The following IL34 variants were observed in gnomAD, a reference collection of about 807,000 sequenced individuals.
The protein encoded by IL34 is interleukin 34.
Under a neutral mutation model 25.3 loss-of-function variants are expected in IL34, and 17 were observed. That is an observed-to-expected ratio of 0.67 (90% CI 0.46 to 1.01). IL34 has a LOEUF of 1.01. Among genes scored for constraint, IL34 ranks in the 50% least tolerant of loss-of-function variants. The pLI is 0.00. For synonymous variants in IL34, 174 were observed against 140.9 expected, an observed-to-expected ratio of 1.23 and a Z score of -1.66; for missense variants, 368 against 312.9, an observed-to-expected ratio of 1.18 and a Z score of -1.33.
At chr16:70,608,275 T>C (rs187937863) in intron 1 of IL34, among the ~76,000 whole-genome samples, 1 of 151,832 alleles carries the variant, frequency 6.6e-6, no homozygotes. Flanking sequence ...ATTACAGGCA[T>C]GCACCACCAT....
At chr16:70,600,749 T>G (rs1461092079) in intron 1 of IL34, among the ~76,000 whole-genome samples, 1 of 152,144 alleles carries the variant, frequency 6.6e-6, no homozygotes, top group East Asian at 1.9e-4. Context: ...TGTTTCTGGC[T>G]TGGACGTGGA....
At chr16:70,595,774 G>A (rs376523930) in intron 1 of IL34, among the ~76,000 whole-genome samples, 25 of 152,250 alleles carry the variant, frequency 1.6e-4, no homozygotes, top group Middle Eastern at 6.8e-3. Flanking sequence ...CACTTTGGGA[G>A]GCCGAGACAG....
intron 1 of IL34, among the ~76,000 whole-genome samples, chr16:70,615,128 G>A (rs993353322): frequency 3.3e-5 from 5 of 152,154 alleles, no homozygotes; most frequent in Admixed American, 2.0e-4. Flanking sequence ...TGGACTTACG[G>A]TGTATGCATT....
chr16:70,604,308 CTG>C (rs778372775), intron 1 of IL34, among the ~76,000 whole-genome samples: 1 of 152,210 alleles, frequency 6.6e-6, no homozygotes, highest in Non-Finnish European at 1.5e-5. Context: ...GTGCCCAAGA[CTG>C]TACTCACAAG....
chr16:70,650,087 C>T (rs2052041298), intron 1 of IL34, among the ~76,000 whole-genome samples: 1 of 152,188 alleles, frequency 6.6e-6, no homozygotes, highest in African/African-American at 2.4e-5. Context: ...GTGTGAGCCT[C>T]CGTGCCCAGC....
chr16:70,605,944 TTACAGGCGTGAGCC>T (rs1172107304), intron 1 of IL34, among the ~76,000 whole-genome samples: 1 of 149,938 alleles, frequency 6.7e-6, no homozygotes, highest in Non-Finnish European at 1.5e-5. Context: ...AGTGCTGGGA[TTACAGGCGTGAGCC>T]ACCGCACCTG....
chr16:70,598,878 C>G (rs115062995), intron 1 of IL34, among the ~76,000 whole-genome samples: 292 of 152,340 alleles, frequency 1.9e-3, no homozygotes, highest in African/African-American at 6.1e-3. Context: ...CAGCTCATAG[C>G]TCAAGCATAG....
At chr16:70,611,243 G>C (rs1435322975) in intron 1 of IL34, among the ~76,000 whole-genome samples, 2 of 152,166 alleles carry the variant, frequency 1.3e-5, no homozygotes, top group Non-Finnish European at 2.9e-5. Flanking sequence ...ACATGTGAGA[G>C]GCTCTTGGAA....
chr16:70,594,541 T>G (rs180847253), intron 1 of IL34, among the ~76,000 whole-genome samples: 163 of 152,350 alleles, frequency 1.1e-3, no homozygotes, highest in Non-Finnish European at 2.0e-3. Flanking sequence ...CTGGTTCTTA[T>G]GGGTCCTTCC....
intron 1 of IL34, among the ~76,000 whole-genome samples, chr16:70,611,248 T>A (rs1597745865): frequency 6.6e-6 from 1 of 152,254 alleles, no homozygotes; most frequent in East Asian, 1.9e-4. Flanking sequence ...TGAGAGGCTC[T>A]TGGAACTGGA....
chr16:70,611,057 C>A (rs574746916), intron 1 of IL34, among the ~76,000 whole-genome samples: 2 of 152,320 alleles, frequency 1.3e-5, no homozygotes, highest in East Asian at 3.9e-4. Context: ...CAGCTCACTG[C>A]AACCTCCATG....
chr16:70,633,937 G>C (rs1030326104), intron 1 of IL34, among the ~76,000 whole-genome samples: 18 of 151,732 alleles, frequency 1.2e-4, no homozygotes, highest in African/African-American at 4.4e-4. Context: ...TGCAACCTCC[G>C]CCTCCTGGGT....
intron 4 of IL34, among the ~76,000 whole-genome samples, chr16:70,658,165 C>G (rs1173424228): frequency 1.3e-5 from 2 of 152,168 alleles, no homozygotes; most frequent in Non-Finnish European, 2.9e-5. Flanking sequence ...GGGAGAACAT[C>G]CCAGGCCAAC....
intron 1 of IL34, 46 bp downstream of exon 1, chr16:70,647,021 C>G: frequency 7.0e-7 from 1 of 1,422,792 alleles, no homozygotes; most frequent in Non-Finnish European, 9.2e-7. Context: ...GAGGCCTTGG[C>G]CTAGATCCAG....
chr16:70,581,937 A>ACAAAAC (rs143579174), intron 1 of IL34, among the ~76,000 whole-genome samples: 54,318 of 151,806 alleles, frequency 0.36, 10,376 homozygotes, highest in South Asian at 0.63. Flanking sequence ...AAAAACAAAA[A>ACAAAAC]CAAAAACAAA....
intron 1 of IL34, among the ~76,000 whole-genome samples, chr16:70,613,688 G>C (rs765919976): frequency 6.6e-6 from 1 of 151,962 alleles, no homozygotes; most frequent in Admixed American, 6.6e-5. Flanking sequence ...AGCCTGGCCA[G>C]CACAGTGAAA....
At position 70,654,749 on chromosome 16, in the gene IL34, G is replaced by C. The variant is rs530580926; in HGVS notation, c.162+78G>C. The C allele has an allele frequency of 1.0e-3, 1,522 of 1,503,174 alleles. 2 individuals are homozygous for C. Among genetic ancestry groups the C allele is most frequent in the Non-Finnish European group, 1.3e-3 (1,435 of 1,115,678 alleles). The allele number at this position is 1,503,174 out of a possible 1,614,324, so 93.1% of individuals were successfully genotyped here. A position where few individuals can be genotyped will look rare whatever the true frequency, so the allele number is the denominator to read the frequency against. On this transcript the variant is annotated intron_variant, in intron 2 of 5. Coordinates refer to ENST00000288098, the MANE Select transcript of IL34 (RefSeq NM_001393494.1). The stretch of plus-strand genomic sequence containing the variant: ...TGGCATAGGCCTCTGGACATTCAGA[G>C]CCCTTCTTAGGACCTGTGTCAGCCC...
At chr16:70,644,752 A>G (rs1597773078), upstream of IL34, among the ~76,000 whole-genome samples, 2 of 110,274 alleles carry the variant, frequency 1.8e-5, no homozygotes, top group African/African-American at 7.1e-5. Context: ...AGGAGGAGGG[A>G]GGAGGGAGGA....
intron 1 of IL34, among the ~76,000 whole-genome samples, chr16:70,586,344 G>A (rs982695827): frequency 4.6e-5 from 7 of 152,154 alleles, no homozygotes; most frequent in Non-Finnish European, 7.3e-5. Context: ...AAGCCAAGAC[G>A]GATCACTTGA....
Sources: gnomAD v4.1 joint callset for allele counts (sites outside exome capture counted in the v4.1 genomes callset) on GRCh38, gnomAD v4.1.1 for gene constraint, MANE v1.5 for transcripts, NCBI Gene and HGNC (gene_info 2026-07-23, HGNC 2026-07-21) for gene names.